TMEM178B: variants seen among roughly 807,000 people sequenced by gnomAD.
The protein encoded by TMEM178B is transmembrane protein 178B.
TMEM178B carries 5 observed loss-of-function variants against 31.0 expected under a neutral mutation model. The observed-to-expected ratio is 0.16, with a 90% CI of 0.08 to 0.34. The LOEUF is 0.34. Ranked by LOEUF, TMEM178B falls within the 10% of genes least tolerant of loss-of-function variation. The probability of loss-of-function intolerance (pLI) is 1.00; values close to 1 mark genes in which losing one functional copy is unlikely to be tolerated. For synonymous variants in TMEM178B, 164 were observed against 164.0 expected (o/e 1.00, Z 0.00); for missense variants, 275 against 400.3 (o/e 0.69, Z 2.67).
At chr7:141,373,171 C>T (rs1381672351) in intron 2 of TMEM178B, among the ~76,000 whole-genome samples, 1 of 152,162 alleles carries the variant, frequency 6.6e-6, no homozygotes, top group East Asian at 1.9e-4. Context: ...TCTTGCAGTT[C>T]ACAGCATATT....
At chr7:141,100,881 T>G (rs1795045291) in intron 1 of TMEM178B, among the ~76,000 whole-genome samples, 1 of 152,216 alleles carries the variant, frequency 6.6e-6, no homozygotes, top group Non-Finnish European at 1.5e-5. Flanking sequence ...AATAATTATA[T>G]AGGCCCAAAT....
At chr7:141,455,058 G>C (rs1381627771) in intron 3 of TMEM178B, among the ~76,000 whole-genome samples, 2 of 152,132 alleles carry the variant, frequency 1.3e-5, no homozygotes, top group Non-Finnish European at 2.9e-5. Context: ...CTGACCACCA[G>C]CTTCCTCTGT....
intron 2 of TMEM178B, among the ~76,000 whole-genome samples, chr7:141,254,315 G>A (rs997580741): frequency 1.3e-5 from 2 of 152,204 alleles, no homozygotes; most frequent in African/African-American, 4.8e-5. Flanking sequence ...CAGCTCGTTT[G>A]CTGAGATGAC....
At chr7:141,089,754 G>T (rs1794848984) in intron 1 of TMEM178B, among the ~76,000 whole-genome samples, 1 of 151,972 alleles carries the variant, frequency 6.6e-6, no homozygotes, top group Non-Finnish European at 1.5e-5. Flanking sequence ...GCAAACTATT[G>T]CAAGGACAAA....
intron 1 of TMEM178B, among the ~76,000 whole-genome samples, chr7:141,096,293 G>A (rs1794959960): frequency 1.3e-5 from 2 of 152,222 alleles, no homozygotes; most frequent in African/African-American, 2.4e-5. Flanking sequence ...AGAGTTAGGT[G>A]TGGCTATGTG....
intron 1 of TMEM178B, among the ~76,000 whole-genome samples, chr7:141,126,118 G>A (rs962607306): frequency 3.3e-5 from 5 of 152,166 alleles, no homozygotes; most frequent in African/African-American, 1.2e-4. Flanking sequence ...GGTTTGGTAG[G>A]AGTTCGGAGA....
intron 2 of TMEM178B, among the ~76,000 whole-genome samples, chr7:141,411,129 G>C (rs1439455086): frequency 6.6e-6 from 1 of 151,254 alleles, no homozygotes; most frequent in Non-Finnish European, 1.5e-5. Flanking sequence ...GGATGAGATG[G>C]AGAGTTAATG....
chr7:141,281,657 T>C (rs1294217438), intron 2 of TMEM178B, among the ~76,000 whole-genome samples: 1 of 152,194 alleles, frequency 6.6e-6, no homozygotes, highest in Admixed American at 6.5e-5. Flanking sequence ...CAGAGACCTC[T>C]TTCTGGGGAG....
chr7:141,078,862 G>A (rs1794639996), intron 1 of TMEM178B, among the ~76,000 whole-genome samples: 1 of 152,144 alleles, frequency 6.6e-6, no homozygotes, highest in Non-Finnish European at 1.5e-5. Context: ...CAAGGAGAAG[G>A]AGCAGACCAG....
chr7:141,114,606 G>T (rs1002256011), intron 1 of TMEM178B, among the ~76,000 whole-genome samples: 1 of 152,206 alleles, frequency 6.6e-6, no homozygotes. Flanking sequence ...GTGATTCTGA[G>T]GCCTATTCTA....
chr7:141,469,826 A>G (rs758321517), intron 3 of TMEM178B, among the ~76,000 whole-genome samples: 61 of 152,120 alleles, frequency 4.0e-4, no homozygotes, highest in Middle Eastern at 3.4e-3. Context: ...CCCATCATCA[A>G]TAAGTTTGTG....
intron 2 of TMEM178B, among the ~76,000 whole-genome samples, chr7:141,384,303 T>C (rs1339410244): frequency 6.6e-6 from 1 of 152,202 alleles, no homozygotes; most frequent in Non-Finnish European, 1.5e-5. Context: ...CACGCCTGTG[T>C]CCTGAATGGT....
In TMEM178B at chr7:141,339,435, C is replaced by G. The variant is rs569241546; in HGVS notation, c.497-98173C>G. ...CAATGGTTCAGGAAACCAACTGTCCCAGCTACTGGAGTAAGTGCAGATTTC... is the reference window on the plus strand; with the variant it reads ...CAATGGTTCAGGAAACCAACTGTCCGAGCTACTGGAGTAAGTGCAGATTTC... On this transcript the variant is annotated intron_variant, in intron 2 of 3. Coordinates refer to ENST00000565468, the MANE Select transcript of TMEM178B (RefSeq NM_001195278.2). Among the ~76,000 whole-genome samples, 6 of 152,282 alleles carry G rather than the reference C, an allele frequency of 3.9e-5. No homozygotes were observed. In the East Asian group the frequency reaches 7.7e-4, roughly 20 times the overall value.
At chr7:141,509,985 T>G in the TMEM178B span, among the ~76,000 whole-genome samples, 1 of 152,228 alleles carries the variant, frequency 6.6e-6, no homozygotes, top group Non-Finnish European at 1.5e-5. Flanking sequence ...TCCACAGCCT[T>G]CCTTCAGAGT....
chr7:141,194,016 A>G (rs1208838830), intron 1 of TMEM178B, among the ~76,000 whole-genome samples: 1 of 152,212 alleles, frequency 6.6e-6, no homozygotes, highest in Non-Finnish European at 1.5e-5. Context: ...CATATTCACT[A>G]TCACAAGAAT....
intron 2 of TMEM178B, among the ~76,000 whole-genome samples, chr7:141,333,051 C>A (rs1476817807): frequency 6.6e-6 from 1 of 152,182 alleles, no homozygotes; most frequent in East Asian, 1.9e-4. Flanking sequence ...CTCTACCCAG[C>A]CCCTTCCTTG....
chr7:141,417,597 A>G (rs1204876600), intron 2 of TMEM178B, among the ~76,000 whole-genome samples: 1 of 152,152 alleles, frequency 6.6e-6, no homozygotes, highest in Non-Finnish European at 1.5e-5. Context: ...AGGAGCTGGG[A>G]GTGACTTGGG....
intron 3 of TMEM178B, among the ~76,000 whole-genome samples, chr7:141,462,901 A>T (rs1024800773): frequency 3.3e-5 from 5 of 151,762 alleles, no homozygotes; most frequent in Non-Finnish European, 7.4e-5. Context: ...GATGTTGTGG[A>T]TGTGATTCCT....
rs140986264 is a variant in TMEM178B at position 141,456,978 on chromosome 7, T to C, written c.635-13558T>C. On this transcript the variant is annotated intron_variant, in intron 3 of 3. Transcript: ENST00000565468. ...TGGATAAGAAGCTGCAAAGATTCAC[T>C]TGGAAAGAATATGGATGGTGCACTC... Among the ~76,000 whole-genome samples, 129 of 152,330 alleles carry C rather than the reference T, an allele frequency of 8.5e-4. 2 individuals carry two copies. Among genetic ancestry groups the C allele is most frequent in the Middle Eastern group, 6.8e-3 (2 of 294 alleles).
Sources: allele counts gnomAD v4.1 joint callset (sites outside exome capture counted in the v4.1 genomes callset), GRCh38; gene constraint gnomAD v4.1.1; transcripts MANE v1.5; gene names NCBI Gene and HGNC (gene_info 2026-07-23, HGNC 2026-07-21).